KIFBP: variants seen among roughly 807,000 people sequenced by gnomAD.
KIFBP encodes KIF-binding protein.
A neutral mutation model predicts 58.9 loss-of-function variants in KIFBP; 46 were observed. The ratio of observed to expected loss-of-function variants is 0.78; its 90% confidence interval spans 0.62 to 1.00. KIFBP has a LOEUF of 1.00. KIFBP is among the 50% of genes least tolerant of loss of function. The pLI is 0.00. For missense variants in KIFBP, 651 were observed against 752.9 expected (o/e 0.86, Z 1.58); for synonymous variants, 241 against 283.4 (o/e 0.85, Z 1.50).
At chr10:69,014,355 A>G (rs1003618230) in intron 6 of KIFBP, among the ~76,000 whole-genome samples, 1 of 152,216 alleles carries the variant, frequency 6.6e-6, no homozygotes, top group African/African-American at 2.4e-5. Flanking sequence ...ACCTAGACTG[A>G]AGAAAAGAAG....
chr10:69,013,089 A>G (rs372568610), intron 6 of KIFBP, among the ~76,000 whole-genome samples: 2 of 152,020 alleles, frequency 1.3e-5, no homozygotes, highest in African/African-American at 4.8e-5. Flanking sequence ...AAACCATCAG[A>G]TCTCATGAGA....
intron 5 of KIFBP, among the ~76,000 whole-genome samples, chr10:69,010,270 C>T (rs1195412796): frequency 6.6e-6 from 1 of 152,076 alleles, no homozygotes; most frequent in Non-Finnish European, 1.5e-5. Flanking sequence ...ATTGTGTAAA[C>T]TCTTTTACTC....
intron 1 of KIFBP, among the ~76,000 whole-genome samples, chr10:68,998,186 C>T (rs777265036): frequency 8.5e-5 from 13 of 152,140 alleles, no homozygotes; most frequent in Non-Finnish European, 1.3e-4. Context: ...CTCCTGACCC[C>T]GTGACCTGCC....
At chr10:68,998,851 C>T (rs865813213) in intron 1 of KIFBP, among the ~76,000 whole-genome samples, 1 of 145,238 alleles carries the variant, frequency 6.9e-6, no homozygotes, top group African/African-American at 2.5e-5. Context: ...TCTCGGCTCA[C>T]TGTAACCTCC....
chr10:68,989,461 A>G, intron 1 of KIFBP: 1 of 619,340 alleles, frequency 1.6e-6, no homozygotes, highest in East Asian at 2.8e-5. Context: ...GATCTCCCAC[A>G]GTCGGCCGTC....
chr10:69,003,016 T>G (rs1301760580), intron 2 of KIFBP, among the ~76,000 whole-genome samples: 1 of 122,040 alleles, frequency 8.2e-6, no homozygotes, highest in East Asian at 2.3e-4. Flanking sequence ...AAGACCAACA[T>G]GAGCAACAAA....
chr10:68,993,132 A>G (rs1008641905), intron 1 of KIFBP, among the ~76,000 whole-genome samples: 6 of 152,092 alleles, frequency 3.9e-5, no homozygotes, highest in Non-Finnish European at 7.4e-5. Context: ...CTTAGTTCAC[A>G]TCGTGTTACC....
At chr10:69,014,110 C>T (rs552023624) in intron 6 of KIFBP, among the ~76,000 whole-genome samples, 1 of 152,144 alleles carries the variant, frequency 6.6e-6, no homozygotes, top group African/African-American at 2.4e-5. Context: ...ATCTGAAAGA[C>T]CTTCTTCAGT....
In KIFBP at chr10:69,005,742, G is replaced by T. The variant is rs746722910; in HGVS notation, c.616G>T (p.Val206Phe). ...ATTTTTTCTTTACAGATTTGAAAAG[G>T]TTTATACTCATAACCTATATTACCT... Reference protein sequence around the residue: ...EQERSKRFEKVYTHNLYYLAQ... With the variant: ...EQERSKRFEKFYTHNLYYLAQ... Residue 206 changes from valine (V) to phenylalanine (F), a missense_variant, in exon 4 of 7, where the codon GTT becomes TTT. Val to Phe is a conservative substitution (Grantham distance 50, BLOSUM62 -1). Coordinates refer to ENST00000361983, the MANE Select transcript of KIFBP (RefSeq NM_015634.4). 2 of 1,608,014 alleles carry T rather than the reference G, an allele frequency of 1.2e-6. No homozygotes were observed. Among genetic ancestry groups the T allele is most frequent in the Admixed American group, 1.7e-5 (1 of 59,966 alleles).
In KIFBP at chr10:69,005,240, C is replaced by A. The variant is rs1465895063; in HGVS notation, c.605+115C>A. 1.3e-4 allele frequency: 99 copies of A among 758,582 alleles called. No individual in the cohort carries two copies. In the East Asian group the frequency reaches 2.2e-3, roughly 16 times the overall value. The allele number at this position is 758,582 out of a possible 1,614,324, so 47.0% of individuals were successfully genotyped here. ...ATGTGGATTCTGACAGGAGTAAAAC[C>A]TCCATTTACCACTTACTTGTTATTT... On this transcript the variant is annotated intron_variant, in intron 3 of 6. Transcript: ENST00000361983.
At chr10:69,001,521 G>A (rs996717485) in intron 2 of KIFBP, among the ~76,000 whole-genome samples, 3 of 152,278 alleles carry the variant, frequency 2.0e-5, no homozygotes, top group African/African-American at 4.8e-5. Context: ...TTGGGAGGCC[G>A]AGGCAGGTGG....
At chr10:68,997,061 A>G (rs533642101) in intron 1 of KIFBP, among the ~76,000 whole-genome samples, 2 of 152,292 alleles carry the variant, frequency 1.3e-5, no homozygotes, top group South Asian at 4.2e-4. Context: ...CCGGCTTTAC[A>G]AAATATATCC....
rs1464000924 is a variant in KIFBP, at chr10:69,005,130, G to A, written c.605+5G>A. On this transcript the variant is annotated splice_donor_5th_base_variant and intron_variant, in intron 3 of 6. Coordinates refer to ENST00000361983, the MANE Select transcript of KIFBP (RefSeq NM_015634.4). ...TGAACAAGAGAGATCAAAAAGGTGA[G>A]TAGGTATAGAAATCAGCCCTTGCAA... The A allele has an allele frequency of 6.3e-7, 1 of 1,596,390 alleles. No individual in the cohort carries two copies. Among genetic ancestry groups the A allele is most frequent in the Non-Finnish European group, 8.6e-7 (1 of 1,163,944 alleles).
chr10:69,006,022 T>A, intron 4 of KIFBP, 107 bp downstream of exon 4: 3 of 1,116,578 alleles, frequency 2.7e-6, no homozygotes, highest in African/African-American at 1.6e-5. Context: ...AGCTTGTATT[T>A]TATGATGTAC....
chr10:69,014,930 G>T (rs1270663796), intron 6 of KIFBP, among the ~76,000 whole-genome samples: 1 of 151,892 alleles, frequency 6.6e-6, no homozygotes, highest in African/African-American at 2.4e-5. Flanking sequence ...TTGTTTGTTT[G>T]TTTGTTTCTT....
At position 69,016,329 on chromosome 10, in the gene KIFBP, A is replaced by G; in HGVS notation, c.1779A>G (p.Ile593Met). The change falls in exon 7 of 7, where the codon ATA becomes ATG. Residue 593 changes from isoleucine to methionine, a missense_variant. Coordinates refer to ENST00000361983, the MANE Select transcript of KIFBP (RefSeq NM_015634.4). ...CEKHPEAAQEIEVELELSKEM... is the reference protein window; with the variant it reads ...CEKHPEAAQEMEVELELSKEM... ...AGCATCCTGAGGCCGCCCAGGAAAT[A>G]GAAGTTGAGCTAGAACTTAGTAAAG... The G allele has an allele frequency of 6.2e-7, 1 of 1,610,970 alleles. No homozygotes were observed. The highest frequency in any genetic ancestry group is 8.5e-7 in the Non-Finnish European group (1 of 1,178,776).
At chr10:69,014,456 A>G (rs1248834680) in intron 6 of KIFBP, among the ~76,000 whole-genome samples, 1 of 152,122 alleles carries the variant, frequency 6.6e-6, no homozygotes, top group Non-Finnish European at 1.5e-5. Flanking sequence ...AAAGGCTGTG[A>G]GGTTGGAGCT....
intron 1 of KIFBP, among the ~76,000 whole-genome samples, chr10:68,998,457 AC>A (rs1383261852): frequency 6.6e-6 from 1 of 151,820 alleles, no homozygotes; most frequent in Non-Finnish European, 1.5e-5. Context: ...TAATACTGCT[AC>A]AATTTATTTC....
At chr10:69,005,157 T>A (rs1299078067) in intron 3 of KIFBP, 32 bp downstream of exon 3, 1 of 1,396,944 alleles carries the variant, frequency 7.2e-7, no homozygotes, top group African/African-American at 1.4e-5. Context: ...CCCTTGCAAA[T>A]ATTTCCACAT....
Sources: allele counts gnomAD v4.1 joint callset (sites outside exome capture counted in the v4.1 genomes callset), GRCh38; gene constraint gnomAD v4.1.1; transcripts MANE v1.5; gene names NCBI Gene and HGNC (gene_info 2026-07-23, HGNC 2026-07-21).